Variants in TENT5C observed in about 807,000 individuals in gnomAD.
The protein encoded by TENT5C is family with sequence similarity 46 member C.
In TENT5C, 5 loss-of-function variants were observed where a neutral mutation model predicts 22.2. The ratio of observed to expected loss-of-function variants is 0.22; its 90% CI spans 0.12 to 0.47. TENT5C has a LOEUF of 0.47. TENT5C is among the 20% of genes least tolerant of loss of function. TENT5C has a pLI of 0.99. For synonymous variants in TENT5C, 199 were observed against 195.4 expected (o/e 1.02, Z -0.15); for missense variants, 364 against 500.9 (o/e 0.73, Z 2.61).
rs1653948315 is a variant in TENT5C, at chr1:117,623,729, G to A, written c.861G>A (p.Lys287=). ...CGGACATCCTTGAACAGCAGAGGAA[G>A]TTGGAGACTTACCTTCAAAACCACT... is the stretch of plus-strand genomic sequence containing the variant. ...DFPDILEQQR[K]LETYLQNHFA... The change falls in exon 2 of 2, where the codon AAG becomes AAA. Residue 287 remains lysine, a synonymous_variant. Transcript: ENST00000369448. 1 of 1,614,072 alleles carries A rather than the reference G, an allele frequency of 6.2e-7. No individual in the cohort carries two copies. The highest frequency in any genetic ancestry group is 1.3e-5 in the African/African-American group (1 of 74,926).
At position 117,626,836 on chromosome 1, in the gene TENT5C, C is replaced by G. The variant is rs962606910; in HGVS notation, c.*2792C>G. ...CTCTGATTTGACTCTTTTTCTGATG[C>G]TTTCGGCATGTCTGCAGCCTGTTCT... On this transcript the variant is annotated 3_prime_UTR_variant, in exon 2 of 2. Coordinates refer to ENST00000369448, the MANE Select transcript of TENT5C (RefSeq NM_017709.4). 1 of 248,018 alleles carries G rather than the reference C, an allele frequency of 4.0e-6. No individual in the cohort carries two copies. The highest frequency in any genetic ancestry group is 2.2e-5 in the African/African-American group (1 of 45,348). The allele number at this position is 248,018 out of a possible 1,614,324, so 15.4% of individuals were successfully genotyped here. A position where few individuals can be genotyped will look rare whatever the true frequency, so the allele number is the denominator to read the frequency against.
rs1374483576 is a variant in TENT5C, at chr1:117,624,172, T to TC, written c.*128_*129insC. ...ACTCAGCTCTGATTCTGCTTTTTTT[T>TC]TTTTTTTTCCTTTGTGTACCCATTG... On this transcript the variant is annotated 3_prime_UTR_variant, in exon 2 of 2. Coordinates refer to ENST00000369448, the MANE Select transcript of TENT5C (RefSeq NM_017709.4). 7 of 832,870 alleles carry TC rather than the reference T, an allele frequency of 8.4e-6. No homozygotes were observed. Among genetic ancestry groups the TC allele is most frequent in the Non-Finnish European group, 1.3e-5 (7 of 539,208 alleles). The allele number at this position is 832,870 out of a possible 1,614,324, so 51.6% of individuals were successfully genotyped here.
chr1:117,619,491 A>G (rs1381299399), intron 1 of TENT5C, among the ~76,000 whole-genome samples: 1 of 152,126 alleles, frequency 6.6e-6, no homozygotes, highest in Non-Finnish European at 1.5e-5. Context: ...AATGTTACAA[A>G]TATTTTTCCT....
intron 1 of TENT5C, among the ~76,000 whole-genome samples, chr1:117,609,224 G>T (rs893230): frequency 0.27 from 40,521 of 151,986 alleles, 5,550 homozygotes; most frequent in Admixed American, 0.33. Context: ...ATTGCAGGCC[G>T]CATAAAGAGG....
chr1:117,620,332 T>G (rs1184446220), intron 1 of TENT5C, among the ~76,000 whole-genome samples: 1 of 152,238 alleles, frequency 6.6e-6, no homozygotes, highest in African/African-American at 2.4e-5. Context: ...TGCTTGTATC[T>G]CAAGTACTGC....
At chr1:117,611,562 CA>C (rs1408618866) in intron 1 of TENT5C, among the ~76,000 whole-genome samples, 2 of 152,190 alleles carry the variant, frequency 1.3e-5, no homozygotes, top group African/African-American at 2.4e-5. Context: ...GAAATTTGGC[CA>C]GGGGCAGTGA....
At position 117,622,868 on chromosome 1, in the gene TENT5C, G is replaced by A. The variant is rs774521529; in HGVS notation, c.-1G>A. On this transcript the variant is annotated 5_prime_UTR_variant, in exon 2 of 2. Coordinates refer to ENST00000369448, the MANE Select transcript of TENT5C (RefSeq NM_017709.4). The stretch of plus-strand genomic sequence containing the variant: ...TTCCCCAGCCAGAACATCCCCTGAA[G>A]ATGGCAGAGGAGAGCAGCTGTACCA... 4 of 1,604,842 alleles carry A rather than the reference G, an allele frequency of 2.5e-6. No individual in the cohort carries two copies. The Admixed American group carries it at 6.7e-5, about 27-fold the overall frequency.
At chr1:117,606,304 G>A (rs953074153) in intron 1 of TENT5C, among the ~76,000 whole-genome samples, 151 bp downstream of exon 1, 1 of 151,842 alleles carries the variant, frequency 6.6e-6, no homozygotes, top group Non-Finnish European at 1.5e-5. Flanking sequence ...GAGGGGAGCT[G>A]CGGACAGGTG....
At chr1:117,621,175 C>A (rs540875412) in intron 1 of TENT5C, among the ~76,000 whole-genome samples, 2 of 152,154 alleles carry the variant, frequency 1.3e-5, no homozygotes, top group African/African-American at 4.8e-5. Context: ...TTCCCCTCCA[C>A]GAGTACTCTG....
chr1:117,607,090 G>C (rs1229324512), intron 1 of TENT5C, among the ~76,000 whole-genome samples: 1 of 152,180 alleles, frequency 6.6e-6, no homozygotes, highest in Non-Finnish European at 1.5e-5. Context: ...AGAGGAGGGT[G>C]ACTTACCTGA....
rs940344161 is a variant in TENT5C, at chr1:117,625,899, G to A, written c.*1855G>A. The A allele has an allele frequency of 1.2e-5, 3 of 247,962 alleles. No individual in the cohort carries two copies. The highest frequency in any genetic ancestry group is 2.5e-5 in the Non-Finnish European group (3 of 118,026). The allele number at this position is 247,962 out of a possible 1,614,324, so 15.4% of individuals were successfully genotyped here. ...TAGTGTAATCAGCTCCTGTTTCCCT[G>A]TGAGCCTTAGTTATATTTTAATTCA... On this transcript the variant is annotated 3_prime_UTR_variant, in exon 2 of 2. Transcript: ENST00000369448.
intron 1 of TENT5C, among the ~76,000 whole-genome samples, chr1:117,620,893 T>C (rs184971687): frequency 1.4e-4 from 22 of 152,310 alleles, no homozygotes; most frequent in Admixed American, 1.4e-3. Flanking sequence ...TGGTTCCTGA[T>C]ACCAAAAAGG....
intron 1 of TENT5C, 65 bp from the exon 2 acceptor site, chr1:117,622,777 G>T: frequency 9.2e-7 from 1 of 1,086,254 alleles, no homozygotes; most frequent in Admixed American, 2.2e-5. Context: ...AACAGTGTGA[G>T]TTCCTCGAGC....
intron 1 of TENT5C, among the ~76,000 whole-genome samples, chr1:117,608,976 G>A (rs890158657): frequency 3.3e-5 from 5 of 152,170 alleles, no homozygotes; most frequent in South Asian, 2.1e-4. Flanking sequence ...GTTAGATAAG[G>A]TCTGTTGCTT....
chr1:117,609,477 G>A (rs1216900727), intron 1 of TENT5C, among the ~76,000 whole-genome samples: 2 of 152,202 alleles, frequency 1.3e-5, no homozygotes, highest in Non-Finnish European at 2.9e-5. Context: ...CTAAAGTCTT[G>A]GAGTCTTGGT....
At chr1:117,615,701 C>T (rs1191243571) in intron 1 of TENT5C, among the ~76,000 whole-genome samples, 3 of 152,168 alleles carry the variant, frequency 2.0e-5, no homozygotes, top group African/African-American at 4.8e-5. Context: ...ACAATGTGCT[C>T]CCCCGCTGAT....
At chr1:117,607,202 T>C (rs1250524840) in intron 1 of TENT5C, among the ~76,000 whole-genome samples, 1 of 152,160 alleles carries the variant, frequency 6.6e-6, no homozygotes, top group Admixed American at 6.5e-5. Flanking sequence ...GAGAAATGAA[T>C]GCCTGGCGAG....
At chr1:117,608,797 C>T (rs552184145) in intron 1 of TENT5C, among the ~76,000 whole-genome samples, 16 of 145,734 alleles carry the variant, frequency 1.1e-4, no homozygotes, top group Non-Finnish European at 2.1e-4. Context: ...TGAGAGAAGT[C>T]GTGGAAGCCC....
chr1:117,614,441 G>A (rs551472993), intron 1 of TENT5C, among the ~76,000 whole-genome samples: 20 of 152,142 alleles, frequency 1.3e-4, no homozygotes, highest in South Asian at 2.1e-4. Flanking sequence ...GGGAAGTGAC[G>A]GTGTCCAGTC....
Sources: gnomAD v4.1 joint callset for allele counts (sites outside exome capture counted in the v4.1 genomes callset) on GRCh38, gnomAD v4.1.1 for gene constraint, MANE v1.5 for transcripts, NCBI Gene and HGNC (gene_info 2026-07-23, HGNC 2026-07-21) for gene names.